Variants in SLC9D1 observed in about 807,000 individuals in gnomAD.
SLC9D1 encodes the protein putative LAG1-interacting protein.
chr13:113,510,211 T>C, the SLC9D1 span: 202,268 of 1,601,044 alleles, frequency 0.13, 15,647 homozygotes, highest in African/African-American at 0.36. Context: ...CACTAAAAAG[T>C]GTGTGACTCA....
At chr13:113,531,462 G>A in the SLC9D1 span, among the ~76,000 whole-genome samples, 20 of 150,610 alleles carry the variant, frequency 1.3e-4, no homozygotes, top group Non-Finnish European at 1.2e-4. Flanking sequence ...GTGGCACGGC[G>A]CCCTGTACAT....
chr13:113,500,926 T>G, the SLC9D1 span, among the ~76,000 whole-genome samples: 74 of 152,064 alleles, frequency 4.9e-4, no homozygotes, highest in Non-Finnish European at 2.2e-4. Context: ...CAAGAAGGGG[T>G]GGAGGTATCT....
the SLC9D1 span, chr13:113,547,193 A>G: frequency 1.6e-5 from 14 of 864,462 alleles, no homozygotes; most frequent in Non-Finnish European, 2.5e-5. Context: ...AGGATTTAGG[A>G]TTTTAATTCC....
chr13:113,549,584 T>C, the SLC9D1 span: 1 of 1,612,126 alleles, frequency 6.2e-7, no homozygotes, highest in Non-Finnish European at 8.5e-7. Context: ...CTGTGGGGAG[T>C]GAGCGCTTAG....
the SLC9D1 span, among the ~76,000 whole-genome samples, chr13:113,513,414 C>T: frequency 6.6e-6 from 1 of 152,046 alleles, no homozygotes; most frequent in African/African-American, 2.4e-5. Context: ...GAAGGTGATA[C>T]ATTTAGTCAG....
chr13:113,499,003 T>C, the SLC9D1 span, among the ~76,000 whole-genome samples: 1 of 152,220 alleles, frequency 6.6e-6, no homozygotes, highest in Non-Finnish European at 1.5e-5. Context: ...TTTTTATGAT[T>C]ATTTCTTGAT....
At chr13:113,495,607 T>G in the SLC9D1 span, 1 of 1,548,616 alleles carries the variant, frequency 6.5e-7, no homozygotes, top group Non-Finnish European at 8.7e-7. Context: ...AGAAGCTTCT[T>G]CTGGGTGCTG....
chr13:113,518,586 G>T, the SLC9D1 span, among the ~76,000 whole-genome samples: 1 of 152,194 alleles, frequency 6.6e-6, no homozygotes, highest in Non-Finnish European at 1.5e-5. Flanking sequence ...GGAAGATGTG[G>T]GGTGGCCGTG....
At chr13:113,508,595 T>TA in the SLC9D1 span, among the ~76,000 whole-genome samples, 1 of 152,144 alleles carries the variant, frequency 6.6e-6, no homozygotes, top group Non-Finnish European at 1.5e-5. Flanking sequence ...AGTAGAGACT[T>TA]ACCTGAGTCT....
the SLC9D1 span, chr13:113,495,611 G>T: frequency 1.3e-6 from 2 of 1,550,262 alleles, no homozygotes; most frequent in African/African-American, 2.7e-5. Context: ...GCTTCTTCTG[G>T]GTGCTGTTTC....
chr13:113,501,899 TG>T, the SLC9D1 span: 1 of 1,590,878 alleles, frequency 6.3e-7, no homozygotes, highest in Admixed American at 1.7e-5. Flanking sequence ...AAAATTGGAT[TG>T]TTTTGGTATC....
chr13:113,521,263 G>T, the SLC9D1 span, among the ~76,000 whole-genome samples: 1 of 151,298 alleles, frequency 6.6e-6, no homozygotes, highest in African/African-American at 2.4e-5. Flanking sequence ...TTGTTCTGTG[G>T]TATGTCTGTG....
chr13:113,512,301 C>T, the SLC9D1 span, among the ~76,000 whole-genome samples: 131 of 84,738 alleles, frequency 1.5e-3, no homozygotes, highest in Middle Eastern at 0.012. Flanking sequence ...TATATACACT[C>T]GGAGTCTCAG....
At chr13:113,498,425 T>C in the SLC9D1 span, 2 of 1,584,708 alleles carry the variant, frequency 1.3e-6, no homozygotes, top group Non-Finnish European at 1.7e-6. Context: ...AAAACCAAAG[T>C]TTATCCATGC....
the SLC9D1 span, among the ~76,000 whole-genome samples, chr13:113,543,114 C>CCGCCCTCCCTGTCTGTG: frequency 9.7e-6 from 1 of 103,520 alleles, no homozygotes; most frequent in East Asian, 3.2e-4. Context: ...CCCCTGCCCC[C>CCGCCCTCCCTGTCTGTG]AGCCCTCCCT....
At chr13:113,514,804 C>A in the SLC9D1 span, among the ~76,000 whole-genome samples, 2,943 of 152,296 alleles carry the variant, frequency 0.019, 43 homozygotes, top group Middle Eastern at 0.031. Flanking sequence ...GCAGCCCCAA[C>A]CTCCTGGGCT....
At chr13:113,491,861 C>T in the SLC9D1 span, among the ~76,000 whole-genome samples, 3 of 152,228 alleles carry the variant, frequency 2.0e-5, no homozygotes, top group Non-Finnish European at 4.4e-5. Flanking sequence ...CGTATCGGGT[C>T]CCTATTCACT....
At chr13:113,510,532 C>A in the SLC9D1 span, 2 of 1,037,132 alleles carry the variant, frequency 1.9e-6, no homozygotes, top group Non-Finnish European at 2.9e-6. Context: ...GTCTTATTTC[C>A]CCTCTTAGGA....
the SLC9D1 span, among the ~76,000 whole-genome samples, chr13:113,526,683 C>T: frequency 6.6e-6 from 1 of 152,220 alleles, no homozygotes; most frequent in Non-Finnish European, 1.5e-5. Context: ...CATACCGCTG[C>T]TCTCCAGCCT....
Sources: allele counts gnomAD v4.1 joint callset (sites outside exome capture counted in the v4.1 genomes callset), GRCh38; gene constraint gnomAD v4.1.1; transcripts MANE v1.5; gene names NCBI Gene and HGNC (gene_info 2026-07-23, HGNC 2026-07-21).